The following AGPAT3 variants were observed in gnomAD, a reference collection of about 807,000 sequenced individuals.
AGPAT3 encodes the protein 1-acyl-sn-glycerol-3-phosphate acyltransferase gamma.
Under a neutral mutation model 47.3 loss-of-function variants are expected in AGPAT3, and 5 were observed. The ratio of observed to expected loss-of-function variants is 0.11; its 90% CI spans 0.06 to 0.22. The LOEUF is 0.22. Among genes scored for constraint, AGPAT3 ranks in the 10% least tolerant of loss-of-function variants. The pLI is 1.00. For missense variants in AGPAT3, 315 were observed against 493.0 expected, an observed-to-expected ratio of 0.64 and a Z score of 3.42; for synonymous variants, 212 against 208.3, an observed-to-expected ratio of 1.02 and a Z score of -0.15.
At chr21:43,961,133 A>T (rs1179284380) in intron 3 of AGPAT3, among the ~76,000 whole-genome samples, 1 of 149,764 alleles carries the variant, frequency 6.7e-6, no homozygotes, top group African/African-American at 2.5e-5. Context: ...ACAGAGCAAG[A>T]CTCTGTCTAA....
chr21:43,952,929 G>T lies in AGPAT3; in HGVS notation c.-48-6705G>T, dbSNP rs938527750. ...CAAGGTCCCCAGGGTGCTGGGGGCT[G>T]CCCAGGCTATCTGCTGCGGTCAGGG... On this transcript the variant is annotated intron_variant, in intron 2 of 9. Coordinates refer to ENST00000291572, the MANE Select transcript of AGPAT3 (RefSeq NM_020132.5). This position sits in a 1 kb window ranked among gnomAD's most constrained non-coding sequence, Gnocchi z 5.6. 6.6e-6 allele frequency among the ~76,000 whole-genome samples: 1 copy of T among 152,176 alleles called. No individual in the cohort carries two copies. Among genetic ancestry groups the T allele is most frequent in the African/African-American group, 2.4e-5 (1 of 41,438 alleles).
chr21:43,946,338 G>A (rs1009628711), intron 2 of AGPAT3, among the ~76,000 whole-genome samples: 9 of 151,858 alleles, frequency 5.9e-5, no homozygotes, highest in African/African-American at 1.9e-4. Context: ...AGTGGCTCAC[G>A]CCTATAATCC....
intron 1 of AGPAT3, among the ~76,000 whole-genome samples, chr21:43,890,804 C>G (rs146654256): frequency 4.0e-4 from 60 of 151,362 alleles, no homozygotes; most frequent in African/African-American, 1.4e-3. Context: ...GTGGCACAAT[C>G]TCACCTCACT....
rs1349447461 is a variant in AGPAT3 at position 43,983,048 on chromosome 21, C to G, written c.*656C>G. ...GAGCCCTGTCTGTCCTAGCTCCTAT[C>G]TGACCTTGTGTGTAAATACGTACAT... On this transcript the variant is annotated 3_prime_UTR_variant, in exon 10 of 10. Coordinates refer to ENST00000291572, the MANE Select transcript of AGPAT3 (RefSeq NM_020132.5). 1 of 152,390 alleles carries G rather than the reference C, an allele frequency of 6.6e-6. No individual in the cohort carries two copies. The highest frequency in any genetic ancestry group is 1.9e-4 in the East Asian group (1 of 5,190). 9.4% of individuals were successfully genotyped at this position (152,390 alleles called of 1,614,324 possible).
chr21:43,972,827 G>A (rs781247128), intron 7 of AGPAT3, among the ~76,000 whole-genome samples: 2 of 152,252 alleles, frequency 1.3e-5, no homozygotes, highest in African/African-American at 2.4e-5. Flanking sequence ...CCCTTGTTGA[G>A]CTTGTCAGTC....
intron 3 of AGPAT3, among the ~76,000 whole-genome samples, chr21:43,960,474 T>A (rs984747375): frequency 6.6e-5 from 10 of 152,050 alleles, no homozygotes; most frequent in African/African-American, 2.4e-4. Flanking sequence ...CTCTGGAGGG[T>A]GGTTTGGCAG....
intron 2 of AGPAT3, among the ~76,000 whole-genome samples, chr21:43,935,313 G>T (rs2087404330): frequency 6.6e-6 from 1 of 152,250 alleles, no homozygotes; most frequent in Admixed American, 6.5e-5. Context: ...GGGACCCAGG[G>T]GCAGCACCCT....
At chr21:43,877,062 T>A (rs2085749507) in intron 1 of AGPAT3, among the ~76,000 whole-genome samples, 1 of 152,134 alleles carries the variant, frequency 6.6e-6, no homozygotes. Flanking sequence ...TTTGACCATG[T>A]TACCCAGGGT....
rs759674716 is a variant in AGPAT3 at position 43,924,784 on chromosome 21, C to T, written c.-49+20765C>T. Among the ~76,000 whole-genome samples the T allele has an allele frequency of 7.2e-5, 11 of 152,204 alleles. No individual in the cohort carries two copies. In the South Asian group the frequency reaches 8.3e-4, roughly 11 times the overall value. On this transcript the variant is annotated intron_variant, in intron 2 of 9. Coordinates refer to ENST00000291572, the MANE Select transcript of AGPAT3 (RefSeq NM_020132.5). ...AGACTCCCCCTGAGCCCCACCCTGC[C>T]GCAAGGGGCTTGGGCTGTCACCCTG... is the stretch of plus-strand genomic sequence containing the variant.
At chr21:43,956,900 C>T (rs1047843434) in intron 2 of AGPAT3, among the ~76,000 whole-genome samples, 6 of 152,322 alleles carry the variant, frequency 3.9e-5, no homozygotes, top group Admixed American at 1.3e-4. Flanking sequence ...TCACGTAGCA[C>T]ATTTCTGCAA....
At position 43,939,190 on chromosome 21, in the gene AGPAT3, G is replaced by C. The variant is rs1448585034; in HGVS notation, c.-48-20444G>C. 6.6e-6 allele frequency among the ~76,000 whole-genome samples: 1 copy of C among 152,154 alleles called. No individual in the cohort carries two copies. The highest frequency in any genetic ancestry group is 1.9e-4 in the East Asian group (1 of 5,192). ...TTTCACTTTATCCCACTGTGGCCCC[G>C]TGACCCTGAGCGAGAATGCACTGGC... is the stretch of plus-strand genomic sequence containing the variant. On this transcript the variant is annotated intron_variant, in intron 2 of 9. Transcript: ENST00000291572. The surrounding 1 kb of genome is among the most constrained non-coding windows in gnomAD (Gnocchi z 4.4).
chr21:43,932,995 G>A lies in AGPAT3; in HGVS notation c.-48-26639G>A, dbSNP rs561672272. ...TTGGAGGCACCTCCAGATGGTTTGT[G>A]TAGTGGCCACACTGATTGACGCTCT... On this transcript the variant is annotated intron_variant, in intron 2 of 9. Coordinates refer to ENST00000291572, the MANE Select transcript of AGPAT3 (RefSeq NM_020132.5). The surrounding 1 kb of genome is among the most constrained non-coding windows in gnomAD (Gnocchi z 5.2). Among the ~76,000 whole-genome samples the A allele has an allele frequency of 1.4e-3, 208 of 152,302 alleles. 1 individual carries two copies. The highest frequency in any genetic ancestry group is 3.5e-3 in the Admixed American group (53 of 15,302).
rs2086547860 is a variant in AGPAT3 at position 43,908,118 on chromosome 21, T to G, written c.-49+4099T>G. On this transcript the variant is annotated intron_variant, in intron 2 of 9. Coordinates refer to ENST00000291572, the MANE Select transcript of AGPAT3 (RefSeq NM_020132.5). The surrounding 1 kb of genome is among the most constrained non-coding windows in gnomAD (Gnocchi z 4.9). ...TGAATGCTTCAGAGCCTAAATTATG[T>G]GGGAAAAACGTGTGTGTGTTCCAAA... is the stretch of plus-strand genomic sequence containing the variant. Among the ~76,000 whole-genome samples the G allele has an allele frequency of 6.6e-6, 1 of 152,176 alleles. No individual in the cohort carries two copies. The highest frequency in any genetic ancestry group is 1.5e-5 in the Non-Finnish European group (1 of 68,028).
chr21:43,881,291 G>A (rs1409292739), intron 1 of AGPAT3, among the ~76,000 whole-genome samples: 1 of 152,202 alleles, frequency 6.6e-6, no homozygotes, highest in Admixed American at 6.5e-5. Flanking sequence ...TTGAACCCCT[G>A]CACCTGCCTC....
At chr21:43,969,864 A>AT (rs773711588) in intron 5 of AGPAT3, among the ~76,000 whole-genome samples, 33 of 151,650 alleles carry the variant, frequency 2.2e-4, no homozygotes, top group Non-Finnish European at 2.9e-5. Flanking sequence ...CACCTGGCTA[A>AT]TTTTTTGTAT....
At chr21:43,870,520 T>C (rs895358431) in intron 1 of AGPAT3, among the ~76,000 whole-genome samples, 8 of 151,214 alleles carry the variant, frequency 5.3e-5, no homozygotes. Context: ...GAGACCAGAC[T>C]GGCCAACATG....
intron 2 of AGPAT3, among the ~76,000 whole-genome samples, chr21:43,959,320 T>A (rs374014599): frequency 4.5e-5 from 6 of 132,242 alleles, no homozygotes; most frequent in Admixed American, 1.5e-4. Flanking sequence ...GTGGCGTGTG[T>A]GTGGTTGTGT....
intron 2 of AGPAT3, among the ~76,000 whole-genome samples, chr21:43,959,112 AGTGT>A (rs1030105831): frequency 8.5e-5 from 3 of 35,452 alleles, no homozygotes; most frequent in Non-Finnish European, 1.5e-4. Context: ...TGTGGTTTGC[AGTGT>A]GTGTGTGTGG....
intron 1 of AGPAT3, among the ~76,000 whole-genome samples, chr21:43,883,375 GACA>G (rs1398376734): frequency 6.6e-6 from 1 of 152,204 alleles, no homozygotes; most frequent in African/African-American, 2.4e-5. Flanking sequence ...GAGCCTCTTG[GACA>G]ACATTTTCTC....
Sources: allele counts gnomAD v4.1 joint callset (sites outside exome capture counted in the v4.1 genomes callset), GRCh38; gene constraint gnomAD v4.1.1; non-coding constraint Gnocchi (gnomAD v3.1); transcripts MANE v1.5; gene names NCBI Gene and HGNC (gene_info 2026-07-23, HGNC 2026-07-21).